Variants in MEIKIN observed in about 807,000 individuals in gnomAD.
The protein encoded by MEIKIN is meiosis-specific kinetochore protein.
At chr5:131,907,581 C>T (rs978443042) in intron 8 of MEIKIN, among the ~76,000 whole-genome samples, 1 of 150,118 alleles carries the variant, frequency 6.7e-6, no homozygotes, top group Admixed American at 6.7e-5. Flanking sequence ...CATGAAGCAA[C>T]CCAAAACCTT....
Position 131,851,295 on chromosome 5 carries a change from A to C in MEIKIN, c.944T>G (p.Val315Gly). 2.5e-6 allele frequency: 1 copy of C among 398,216 alleles called. No individual in the cohort carries two copies. The highest frequency in any genetic ancestry group is 4.4e-6 in the Non-Finnish European group (1 of 225,548). 24.7% of individuals were successfully genotyped at this position (398,216 alleles called of 1,614,324 possible). Reference protein sequence around the residue: ...NYVNSNEIVPVSSLQENSSNE... With the variant: ...NYVNSNEIVPGSSLQENSSNE... The stretch of plus-strand genomic sequence containing the variant: ...TGAAGAATTTTCCTGCAAACTTGAC[A>C]CAGGAACAATTTCATTTGAATTAAC... Residue 315 changes from valine to glycine, a missense_variant, in exon 11 of 13, where the codon GTG becomes GGG. Val to Gly is a moderately radical substitution (Grantham distance 109). Coordinates refer to ENST00000442687, the MANE Select transcript of MEIKIN (RefSeq NM_001303622.2).
At chr5:131,918,043 G>A (rs1751444232) in intron 6 of MEIKIN, among the ~76,000 whole-genome samples, 1 of 152,164 alleles carries the variant, frequency 6.6e-6, no homozygotes, top group Non-Finnish European at 1.5e-5. Flanking sequence ...ATAAACTAAT[G>A]AAGCCCATGT....
chr5:131,884,982 C>T (rs1750754276), intron 8 of MEIKIN, among the ~76,000 whole-genome samples: 1 of 150,742 alleles, frequency 6.6e-6, no homozygotes, highest in Non-Finnish European at 1.5e-5. Context: ...GGACTATGTC[C>T]CATGGTATGA....
intron 10 of MEIKIN, 143 bp from the exon 11 acceptor site, chr5:131,851,526 T>C (rs771029320): frequency 7.2e-5 from 28 of 388,914 alleles, no homozygotes; most frequent in Non-Finnish European, 1.1e-4. Context: ...TTCATCTGAA[T>C]AAACGTAATT....
At chr5:131,897,468 T>C (rs911748299) in intron 8 of MEIKIN, among the ~76,000 whole-genome samples, 11 of 152,222 alleles carry the variant, frequency 7.2e-5, no homozygotes, top group Non-Finnish European at 1.3e-4. Context: ...CTGGATAATA[T>C]CCTGAAGAGT....
At chr5:131,942,524 G>C (rs1751889296) in intron 4 of MEIKIN, 111 bp downstream of exon 4, 1 of 390,262 alleles carries the variant, frequency 2.6e-6, no homozygotes, top group East Asian at 3.6e-5. Context: ...CTTTGGAGTA[G>C]GGAAAAGATA....
At chr5:131,864,088 T>C (rs183832114) in intron 9 of MEIKIN, among the ~76,000 whole-genome samples, 1 of 152,216 alleles carries the variant, frequency 6.6e-6, no homozygotes, top group Non-Finnish European at 1.5e-5. Flanking sequence ...AGGCAGCATA[T>C]AGTTGAATCA....
At chr5:131,857,732 A>C (rs1750219611) in intron 9 of MEIKIN, among the ~76,000 whole-genome samples, 1 of 151,986 alleles carries the variant, frequency 6.6e-6, no homozygotes, top group Non-Finnish European at 1.5e-5. Context: ...GCTGTCATGC[A>C]CTCGCCCAAG....
chr5:131,878,943 T>A, intron 9 of MEIKIN, 35 bp downstream of exon 9: 1 of 398,422 alleles, frequency 2.5e-6, no homozygotes. Flanking sequence ...TGAAATGTAT[T>A]ATGATTTATG....
intron 3 of MEIKIN, 183 bp downstream of exon 3, chr5:131,944,482 G>C (rs900021901): frequency 1.0e-5 from 4 of 388,870 alleles, no homozygotes; most frequent in African/African-American, 8.3e-5. Context: ...GCATGACTAT[G>C]AATCTACCCA....
chr5:131,861,856 T>C (rs1750290854), intron 9 of MEIKIN, among the ~76,000 whole-genome samples: 1 of 152,180 alleles, frequency 6.6e-6, no homozygotes, highest in South Asian at 2.1e-4. Flanking sequence ...AGTTTGCCAG[T>C]ATTTTGTTGA....
chr5:131,881,264 C>G (rs1043262829), intron 8 of MEIKIN, among the ~76,000 whole-genome samples: 2 of 152,166 alleles, frequency 1.3e-5, no homozygotes, highest in African/African-American at 4.8e-5. Context: ...AGTCCTCAAT[C>G]CTCATTTGAT....
chr5:131,817,872 A>G (rs73788773), intron 12 of MEIKIN, among the ~76,000 whole-genome samples: 4,044 of 152,328 alleles, frequency 0.027, 189 homozygotes, highest in African/African-American at 0.092. Context: ...CAATTGCTTC[A>G]TTGGCTATTT....
chr5:131,919,822 AAG>A (rs1751475181), intron 6 of MEIKIN, among the ~76,000 whole-genome samples: 1 of 152,166 alleles, frequency 6.6e-6, no homozygotes, highest in Non-Finnish European at 1.5e-5. Flanking sequence ...AAGAAGGAGA[AAG>A]TGACAATTTT....
intron 9 of MEIKIN, among the ~76,000 whole-genome samples, chr5:131,870,191 G>C (rs548378057): frequency 2.6e-5 from 4 of 152,196 alleles, no homozygotes; most frequent in African/African-American, 9.6e-5. Flanking sequence ...AAGACATACA[G>C]CTATTAAGCA....
intron 12 of MEIKIN, among the ~76,000 whole-genome samples, chr5:131,817,979 G>GA (rs1773133089): frequency 6.6e-6 from 1 of 152,018 alleles, no homozygotes; most frequent in African/African-American, 2.4e-5. Context: ...AAAAACCAAA[G>GA]AAAAAACAAA....
At chr5:131,871,587 C>T (rs1322256674) in intron 9 of MEIKIN, among the ~76,000 whole-genome samples, 1 of 152,204 alleles carries the variant, frequency 6.6e-6, no homozygotes, top group East Asian at 1.9e-4. Context: ...CACAGACAAA[C>T]AAAAAGACAG....
chr5:131,831,933 C>G (rs949553034), intron 11 of MEIKIN, among the ~76,000 whole-genome samples: 1 of 152,170 alleles, frequency 6.6e-6, no homozygotes, highest in African/African-American at 2.4e-5. Flanking sequence ...GGGTCCCTTC[C>G]ACAACACATG....
At chr5:131,831,743 G>T (rs1327392101) in intron 11 of MEIKIN, among the ~76,000 whole-genome samples, 2 of 152,136 alleles carry the variant, frequency 1.3e-5, no homozygotes, top group African/African-American at 4.8e-5. Flanking sequence ...ACATGGCTGG[G>T]GAGGCCTCAG....
Sources: gnomAD v4.1 joint callset for allele counts (sites outside exome capture counted in the v4.1 genomes callset) on GRCh38, gnomAD v4.1.1 for gene constraint, MANE v1.5 for transcripts, NCBI Gene and HGNC (gene_info 2026-07-23, HGNC 2026-07-21) for gene names.